KCNQ1: variants seen among roughly 807,000 people sequenced by gnomAD.
KCNQ1 encodes the protein potassium voltage-gated channel subfamily Q member 1, also known as potassium voltage-gated channel subfamily KQT member 1.
KCNQ1 carries 49 observed loss-of-function variants against 72.4 expected under a neutral mutation model. That is an observed-to-expected ratio of 0.68 (90% CI 0.54 to 0.86). The LOEUF (loss-of-function observed/expected upper bound fraction) is 0.86, where lower values mean the gene tolerates loss of function less well. KCNQ1 is among the 40% of genes least tolerant of loss of function. The pLI is 0.00. For missense variants in KCNQ1, 790 were observed against 945.1 expected, an observed-to-expected ratio of 0.84 and a Z score of 2.15; for synonymous variants, 450 against 412.6, an observed-to-expected ratio of 1.09 and a Z score of -1.10.
chr11:2,574,252 C>T (rs993772166), intron 6 of KCNQ1, among the ~76,000 whole-genome samples: 4 of 152,152 alleles, frequency 2.6e-5, no homozygotes, highest in South Asian at 2.1e-4. Context: ...GGGTGGGGAC[C>T]GAGAAGCCCA....
At chr11:2,614,110 C>A in intron 10 of KCNQ1, 1 of 398,482 alleles carries the variant, frequency 2.5e-6, no homozygotes, top group Non-Finnish European at 4.4e-6. Context: ...CTATGCTCAC[C>A]ATTCTTTGGC....
rs1440950417 is a variant in KCNQ1 at position 2,620,661 on chromosome 11, G to A, written c.1393+31807G>A. ...TGCTGTGATGAACATACAAATGCAT[G>A]TGTCTTTTTGATAGAACAATTTATT... On this transcript the variant is annotated intron_variant, in intron 10 of 15. Coordinates refer to ENST00000155840, the MANE Select transcript of KCNQ1 (RefSeq NM_000218.3). This position sits in a 1 kb window ranked among gnomAD's most constrained non-coding sequence, Gnocchi z 4.5. 1 of 398,492 alleles carries A rather than the reference G, an allele frequency of 2.5e-6. No individual in the cohort carries two copies. The highest frequency in any genetic ancestry group is 3.6e-5 in the East Asian group (1 of 28,068). The allele number at this position is 398,492 out of a possible 1,614,324, so 24.7% of individuals were successfully genotyped here. A position where few individuals can be genotyped will look rare whatever the true frequency, so the allele number is the denominator to read the frequency against.
At chr11:2,530,163 C>A (rs762767174) in intron 2 of KCNQ1, among the ~76,000 whole-genome samples, 12 of 152,178 alleles carry the variant, frequency 7.9e-5, no homozygotes, top group Non-Finnish European at 1.5e-4. Flanking sequence ...TGTCCAATAC[C>A]CTTGGCAGCA....
At position 2,541,880 on chromosome 11, in the gene KCNQ1, A is replaced by G. The variant is rs75670474; in HGVS notation, c.477+13862A>G. On this transcript the variant is annotated intron_variant, in intron 2 of 15. Coordinates refer to ENST00000155840, the MANE Select transcript of KCNQ1 (RefSeq NM_000218.3). The surrounding 1 kb of genome is among the most constrained non-coding windows in gnomAD (Gnocchi z 4.8). Reference sequence around the variant, plus strand: ...TCCTGTGGCTGGTCCTCGCATAGACATCAGCTAAGGGGGTTTGGGGGCCAG... The same window carrying G: ...TCCTGTGGCTGGTCCTCGCATAGACGTCAGCTAAGGGGGTTTGGGGGCCAG... Among the ~76,000 whole-genome samples, 9,708 of 152,192 alleles carry G rather than the reference A, an allele frequency of 0.064. 391 individuals are homozygous for G. The highest frequency in any genetic ancestry group is 0.091 in the Non-Finnish European group (6,207 of 67,988).
rs1035258392 is a variant in KCNQ1, at chr11:2,593,438, C to T, written c.1393+4584C>T. Among the ~76,000 whole-genome samples the T allele has an allele frequency of 6.6e-5, 10 of 152,158 alleles. No homozygotes were observed. Among genetic ancestry groups the T allele is most frequent in the East Asian group, 1.9e-4 (1 of 5,196 alleles). On this transcript the variant is annotated intron_variant, in intron 10 of 15. Coordinates refer to ENST00000155840, the MANE Select transcript of KCNQ1 (RefSeq NM_000218.3). The surrounding 1 kb of genome is among the most constrained non-coding windows in gnomAD (Gnocchi z 6.9). ...AAGGTCGTGGTCTGTGACGTAGGAT[C>T]GGGCAGCACGCACCTTTCCACCTGG...
rs1365357149 is a variant in KCNQ1, at chr11:2,541,959, T to C, written c.477+13941T>C. Among the ~76,000 whole-genome samples the C allele has an allele frequency of 6.6e-6, 1 of 152,178 alleles. No homozygotes were observed. Among genetic ancestry groups the C allele is most frequent in the Non-Finnish European group, 1.5e-5 (1 of 68,028 alleles). ...CTCCTGTGAAAGGCCGGCGCAGAGCTGCACCGTGGGGTCCCCTGGCTTGGG... is the reference window on the plus strand; with the variant it reads ...CTCCTGTGAAAGGCCGGCGCAGAGCCGCACCGTGGGGTCCCCTGGCTTGGG... On this transcript the variant is annotated intron_variant, in intron 2 of 15. Transcript: ENST00000155840. The surrounding 1 kb of genome is among the most constrained non-coding windows in gnomAD (Gnocchi z 4.8).
rs1370310197 is a variant in KCNQ1 at position 2,462,089 on chromosome 11, G to A, written c.386+16605G>A. On this transcript the variant is annotated intron_variant, in intron 1 of 15. Coordinates refer to ENST00000155840, the MANE Select transcript of KCNQ1 (RefSeq NM_000218.3). The surrounding 1 kb of genome is among the most constrained non-coding windows in gnomAD (Gnocchi z 8.2). ...AGACCCAGCCCCACTGTGTCTTTCTGGGATTCACAAGAATCCTTCCCTGGG... is the reference window on the plus strand; with the variant it reads ...AGACCCAGCCCCACTGTGTCTTTCTAGGATTCACAAGAATCCTTCCCTGGG... 3.4e-6 allele frequency: 1 copy of A among 292,258 alleles called. No homozygotes were observed. Among genetic ancestry groups the A allele is most frequent in the East Asian group, 8.5e-5 (1 of 11,790 alleles). 18.1% of individuals were successfully genotyped at this position (292,258 alleles called of 1,614,324 possible).
chr11:2,558,053 T>G (rs1016443892), intron 2 of KCNQ1, among the ~76,000 whole-genome samples: 5 of 152,152 alleles, frequency 3.3e-5, no homozygotes. Context: ...CCTTACCTAT[T>G]TGGGAATTAA....
chr11:2,719,686 A>T (rs534897464), intron 11 of KCNQ1, among the ~76,000 whole-genome samples: 8 of 152,186 alleles, frequency 5.3e-5, no homozygotes, highest in African/African-American at 1.9e-4. Context: ...AAACCAGGGC[A>T]GGACAGTGTA....
chr11:2,572,614 A>G (rs1848354104), intron 5 of KCNQ1, among the ~76,000 whole-genome samples: 2 of 152,190 alleles, frequency 1.3e-5, no homozygotes, highest in African/African-American at 4.8e-5. Context: ...CGGCCCAGAC[A>G]GTGGGCCTAG....
intron 11 of KCNQ1, chr11:2,680,309 T>C (rs1007510346): frequency 1.4e-5 from 5 of 359,034 alleles, no homozygotes; most frequent in East Asian, 7.9e-5. Context: ...TGATGAAGAA[T>C]TGCCTTCCCC....
Position 2,541,872 on chromosome 11 carries a change from G to A in KCNQ1, c.477+13854G>A, listed in dbSNP as rs1020163647. On this transcript the variant is annotated intron_variant, in intron 2 of 15. Coordinates refer to ENST00000155840, the MANE Select transcript of KCNQ1 (RefSeq NM_000218.3). This position sits in a 1 kb window ranked among gnomAD's most constrained non-coding sequence, Gnocchi z 4.8. Reference sequence around the variant, plus strand: ...GGCCCAGGTCCTGTGGCTGGTCCTCGCATAGACATCAGCTAAGGGGGTTTG... The same window carrying A: ...GGCCCAGGTCCTGTGGCTGGTCCTCACATAGACATCAGCTAAGGGGGTTTG... Among the ~76,000 whole-genome samples, 2 of 152,150 alleles carry A rather than the reference G, an allele frequency of 1.3e-5. No individual in the cohort carries two copies. The highest frequency in any genetic ancestry group is 2.9e-5 in the Non-Finnish European group (2 of 68,034).
At chr11:2,577,893 G>T (rs537378412) in intron 6 of KCNQ1, among the ~76,000 whole-genome samples, 3 of 151,518 alleles carry the variant, frequency 2.0e-5, no homozygotes, top group Admixed American at 6.6e-5. Context: ...CTCTGTCCAC[G>T]GCTCCCCCTT....
rs1009909931 is a variant in KCNQ1 at position 2,627,481 on chromosome 11, C to T, written c.1394-34480C>T. 1 of 398,338 alleles carries T rather than the reference C, an allele frequency of 2.5e-6. No individual in the cohort carries two copies. The highest frequency in any genetic ancestry group is 2.1e-5 in the African/African-American group (1 of 48,596). The allele number at this position is 398,338 out of a possible 1,614,324, so 24.7% of individuals were successfully genotyped here. On this transcript the variant is annotated intron_variant, in intron 10 of 15. Transcript: ENST00000155840. This position sits in a 1 kb window ranked among gnomAD's most constrained non-coding sequence, Gnocchi z 4.9. The stretch of plus-strand genomic sequence containing the variant: ...CCCCTACTCCCTGACCCCTAGTAAC[C>T]ACCCTTCTACTCTCCGTTTCTCTGA...
In KCNQ1 at chr11:2,566,385, G is replaced by A. The variant is rs777355824; in HGVS notation, c.478-4243G>A. Among the ~76,000 whole-genome samples the A allele has an allele frequency of 9.9e-5, 15 of 152,152 alleles. No individual in the cohort carries two copies. Among genetic ancestry groups the A allele is most frequent in the Admixed American group, 3.3e-4 (5 of 15,272 alleles). On this transcript the variant is annotated intron_variant, in intron 2 of 15. Transcript: ENST00000155840. The surrounding 1 kb of genome is among the most constrained non-coding windows in gnomAD (Gnocchi z 6.7). ...CCCGAGGACACCTGTACCTTGTCCCGGGGCGGGGCTCTCTCTGCCATGGAC... is the reference window on the plus strand; with the variant it reads ...CCCGAGGACACCTGTACCTTGTCCCAGGGCGGGGCTCTCTCTGCCATGGAC...
In KCNQ1 at chr11:2,691,755, G is replaced by A. The variant is rs962116609; in HGVS notation, c.1514+29674G>A. ...CACACAGGCAGGGGACATTCCACTA[G>A]GGCCATTTGCAGGCCAGTGGCCATC... On this transcript the variant is annotated intron_variant, in intron 11 of 15. Transcript: ENST00000155840. The surrounding 1 kb of genome is among the most constrained non-coding windows in gnomAD (Gnocchi z 6.4). 2 of 398,692 alleles carry A rather than the reference G, an allele frequency of 5.0e-6. No homozygotes were observed. The highest frequency in any genetic ancestry group is 8.8e-5 in the Admixed American group (2 of 22,742). The allele number at this position is 398,692 out of a possible 1,614,324, so 24.7% of individuals were successfully genotyped here. A position where few individuals can be genotyped will look rare whatever the true frequency, so the allele number is the denominator to read the frequency against.
Position 2,745,579 on chromosome 11 carries a change from C to T in KCNQ1, c.1515-23265C>T, listed in dbSNP as rs1846125189. On this transcript the variant is annotated intron_variant, in intron 11 of 15. Transcript: ENST00000155840. This position sits in a 1 kb window ranked among gnomAD's most constrained non-coding sequence, Gnocchi z 6.2. Reference sequence around the variant, plus strand: ...AGGAGGAGTCAGCGTGACCACAGGCCCCCATTCCCCAGCCCCTAATGTTCT... The same window carrying T: ...AGGAGGAGTCAGCGTGACCACAGGCTCCCATTCCCCAGCCCCTAATGTTCT... Among the ~76,000 whole-genome samples the T allele has an allele frequency of 6.6e-6, 1 of 152,206 alleles. No homozygotes were observed. Among genetic ancestry groups the T allele is most frequent in the Non-Finnish European group, 1.5e-5 (1 of 68,038 alleles).
At chr11:2,568,934 G>A (rs1454369391) in intron 2 of KCNQ1, among the ~76,000 whole-genome samples, 4 of 152,210 alleles carry the variant, frequency 2.6e-5, no homozygotes, top group Admixed American at 2.6e-4. Context: ...ACCCAGGCTG[G>A]AGTACAATGG....
Position 2,475,526 on chromosome 11 carries a change from C to G in KCNQ1, c.386+30042C>G, listed in dbSNP as rs940478904. Among the ~76,000 whole-genome samples, 1 of 152,198 alleles carries G rather than the reference C, an allele frequency of 6.6e-6. No individual in the cohort carries two copies. ...GAAAAAATGGCTAAAGATTTTCAAGCACACACACCTAAAGATAGCAGACAT... is the reference window on the plus strand; with the variant it reads ...GAAAAAATGGCTAAAGATTTTCAAGGACACACACCTAAAGATAGCAGACAT... On this transcript the variant is annotated intron_variant, in intron 1 of 15. Coordinates refer to ENST00000155840, the MANE Select transcript of KCNQ1 (RefSeq NM_000218.3). This position sits in a 1 kb window ranked among gnomAD's most constrained non-coding sequence, Gnocchi z 5.8.
Sources: allele counts gnomAD v4.1 joint callset (sites outside exome capture counted in the v4.1 genomes callset), GRCh38; gene constraint gnomAD v4.1.1; non-coding constraint Gnocchi (gnomAD v3.1); transcripts MANE v1.5; gene names NCBI Gene and HGNC (gene_info 2026-07-23, HGNC 2026-07-21).